STAU1: variants seen among roughly 807,000 people sequenced by gnomAD.
STAU1 encodes staufen double-stranded RNA binding protein 1, also known as double-stranded RNA-binding protein Staufen homolog 1.
STAU1 carries 13 observed loss-of-function variants against 62.9 expected under a neutral mutation model. The ratio of observed to expected loss-of-function variants is 0.21; its 90% confidence interval spans 0.13 to 0.33. The LOEUF (loss-of-function observed/expected upper bound fraction) is 0.33. Among genes scored for constraint, STAU1 ranks in the 10% least tolerant of loss-of-function variants. STAU1 has a pLI of 1.00. For synonymous variants in STAU1, 269 were observed against 265.1 expected, an observed-to-expected ratio of 1.01 and a Z score of -0.14; for missense variants, 571 against 712.1, an observed-to-expected ratio of 0.80 and a Z score of 2.25.
the STAU1 span, chr20:49,219,167 T>G: frequency 2.1e-3 from 1,221 of 582,230 alleles, 18 homozygotes; most frequent in African/African-American, 0.021. Context: ...CTCTTTAGAC[T>G]CTCTCACCCT....
At position 49,149,161 on chromosome 20, in the gene STAU1, G is replaced by T. The variant is rs190051354; in HGVS notation, c.510+2421C>A. ...AGCTACTCAGGAAGCTGAAGCACAAGAATTGCTTGAACCCAGGAGGTGGAG... is the reference window on the plus strand; with the variant it reads ...AGCTACTCAGGAAGCTGAAGCACAATAATTGCTTGAACCCAGGAGGTGGAG... On this transcript the variant is annotated intron_variant, in intron 5 of 13. Transcript: ENST00000371856. Among the ~76,000 whole-genome samples, 69 of 152,002 alleles carry T rather than the reference G, an allele frequency of 4.5e-4. 1 individual carries two copies. The highest frequency in any genetic ancestry group is 1.3e-3 in the African/African-American group (55 of 41,456).
chr20:49,174,343 T>G (rs556815265), intron 1 of STAU1, 74 bp from the exon 2 acceptor site: 19 of 152,260 alleles, frequency 1.2e-4, no homozygotes, highest in African/African-American at 4.6e-4. Context: ...CTGCTCAAGT[T>G]TTGGGGAAAC....
intron 1 of STAU1, among the ~76,000 whole-genome samples, chr20:49,175,253 T>C (rs987079795): frequency 6.7e-6 from 1 of 150,330 alleles, no homozygotes; most frequent in Non-Finnish European, 1.5e-5. Flanking sequence ...ATGGCTTGAA[T>C]GCAGGAGGCA....
intron 5 of STAU1, among the ~76,000 whole-genome samples, chr20:49,139,766 A>G (rs751135920): frequency 5.3e-5 from 8 of 152,128 alleles, no homozygotes; most frequent in African/African-American, 1.7e-4. Flanking sequence ...ACTCACACCC[A>G]TAAGGATGGC....
intron 9 of STAU1, 149 bp from the exon 10 acceptor site, chr20:49,118,557 C>T: frequency 1.6e-6 from 1 of 640,790 alleles, no homozygotes; most frequent in Non-Finnish European, 2.7e-6. Flanking sequence ...CCACTGGCAC[C>T]CTGACAGACA....
At chr20:49,150,416 C>G (rs1289492319) in intron 5 of STAU1, among the ~76,000 whole-genome samples, 1 of 151,688 alleles carries the variant, frequency 6.6e-6, no homozygotes, top group Non-Finnish European at 1.5e-5. Flanking sequence ...GGCTGGAGTG[C>G]AGTGGCACAA....
intron 3 of STAU1, among the ~76,000 whole-genome samples, chr20:49,161,009 A>C (rs931153272): frequency 1.3e-5 from 2 of 152,068 alleles, no homozygotes; most frequent in South Asian, 4.2e-4. Context: ...ACAACCATAC[A>C]CTATTTGGAG....
chr20:49,115,788 A>G lies in STAU1; in HGVS notation c.1712T>C (p.Met571Thr), dbSNP rs760020044. 24 of 1,614,000 alleles carry G rather than the reference A, an allele frequency of 1.5e-5. No individual in the cohort carries two copies. Among genetic ancestry groups the G allele is most frequent in the East Asian group, 2.2e-5 (1 of 44,872 alleles). ...CCTTCATCAGTGCACTCACACAGAC[A>G]TTGGTCCGTTTCCTGTTCTTGGCAT... ...TEMPRTGNGPMSVCGRC is the reference protein window; with the variant it reads ...TEMPRTGNGPTSVCGRC Residue 571 changes from methionine to threonine, a missense_variant, in exon 13 of 14, where the codon ATG (methionine) becomes ACG (threonine). Transcript: ENST00000371856.
At chr20:49,152,340 C>CTTT (rs3092547) in intron 4 of STAU1, among the ~76,000 whole-genome samples, 33,998 of 104,358 alleles carry the variant, frequency 0.33, 7,586 homozygotes, top group Middle Eastern at 0.44. Flanking sequence ...CCACTAATGT[C>CTTT]TTTTTTTTTT....
chr20:49,199,926 T>G, the STAU1 span, among the ~76,000 whole-genome samples: 11 of 151,998 alleles, frequency 7.2e-5, no homozygotes, highest in Admixed American at 6.6e-4. Context: ...CCCAGGCTGG[T>G]CTGCAACTCG....
At chr20:49,136,373 G>A (rs2092883572) in intron 5 of STAU1, among the ~76,000 whole-genome samples, 3 of 152,218 alleles carry the variant, frequency 2.0e-5, no homozygotes, top group Admixed American at 6.5e-5. Context: ...TTGGCTTTAT[G>A]AATTTAACCA....
At chr20:49,159,118 C>T in intron 3 of STAU1, 1 of 1,109,566 alleles carries the variant, frequency 9.0e-7, no homozygotes, top group Non-Finnish European at 1.1e-6. Flanking sequence ...TGGTGATTGT[C>T]TCATGGATAA....
rs1396619151 is a variant in STAU1 at position 49,118,419 on chromosome 20, A to G, written c.1114-11T>C. The G allele has an allele frequency of 6.3e-7, 1 of 1,593,632 alleles. No individual in the cohort carries two copies. Among genetic ancestry groups the G allele is most frequent in the Non-Finnish European group, 8.6e-7 (1 of 1,169,462 alleles). ...TTTCTTTATGGGTGTCTTAAAAAAG[A>G]AGAAGAAAAAAAAAAGGCCATGAGC... On this transcript the variant is annotated splice_polypyrimidine_tract_variant and intron_variant, in intron 9 of 13. Transcript: ENST00000371856.
At chr20:49,124,957 C>T (rs375846405) in intron 6 of STAU1, among the ~76,000 whole-genome samples, 1 of 151,370 alleles carries the variant, frequency 6.6e-6, no homozygotes, top group African/African-American at 2.4e-5. Context: ...AGTATCTGCT[C>T]TGAGCCTCCA....
intron 1 of STAU1, among the ~76,000 whole-genome samples, chr20:49,176,098 T>C (rs1460077095): frequency 6.6e-6 from 1 of 152,100 alleles, no homozygotes; most frequent in Non-Finnish European, 1.5e-5. Flanking sequence ...CCGGCAATAA[T>C]GCTTTTTAAA....
chr20:49,167,876 G>A (rs2093547808), intron 2 of STAU1, among the ~76,000 whole-genome samples: 1 of 151,966 alleles, frequency 6.6e-6, no homozygotes, highest in Admixed American at 6.6e-5. Flanking sequence ...CAGGTCTCAA[G>A]GTCAAAAAAT....
intron 3 of STAU1, among the ~76,000 whole-genome samples, chr20:49,160,461 G>A (rs1016059422): frequency 2.0e-5 from 3 of 152,096 alleles, no homozygotes; most frequent in Admixed American, 1.3e-4. Flanking sequence ...ATCATCTTAC[G>A]CTACAGCTGC....
Position 49,117,336 on chromosome 20 carries a change from A to C in STAU1, c.1510-88T>G. 1 of 1,509,806 alleles carries C rather than the reference A, an allele frequency of 6.6e-7. No individual in the cohort carries two copies. Among genetic ancestry groups the C allele is most frequent in the Non-Finnish European group, 9.0e-7 (1 of 1,106,208 alleles). The allele number at this position is 1,509,806 out of a possible 1,614,324, so 93.5% of individuals were successfully genotyped here. Reference sequence around the variant, plus strand: ...TGCAGCTCCAGGCCCCACAAGCAAGATCACCAGCTCTTTTTTCCAACTCAG... The same window carrying C: ...TGCAGCTCCAGGCCCCACAAGCAAGCTCACCAGCTCTTTTTTCCAACTCAG... On this transcript the variant is annotated intron_variant, in intron 11 of 13. Transcript: ENST00000371856. This position sits in a 1 kb window ranked among gnomAD's most constrained non-coding sequence, Gnocchi z 4.6.
intron 6 of STAU1, chr20:49,134,722 ACT>A: frequency 9.2e-7 from 1 of 1,087,418 alleles, no homozygotes; most frequent in South Asian, 1.2e-5. Context: ...GTCTGAAAAA[ACT>A]CCAAAAGTGC....
Sources: gnomAD v4.1 joint callset for allele counts (sites outside exome capture counted in the v4.1 genomes callset) on GRCh38, gnomAD v4.1.1 for gene constraint, Gnocchi (gnomAD v3.1) non-coding constraint, MANE v1.5 for transcripts, NCBI Gene and HGNC (gene_info 2026-07-23, HGNC 2026-07-21) for gene names.